Variants in AMN1 observed in about 807,000 individuals in gnomAD.
The protein encoded by AMN1 is antagonist of mitotic exit network 1 homolog.
In AMN1, 20 loss-of-function variants were observed where a neutral mutation model predicts 33.0. The ratio of observed to expected loss-of-function variants is 0.61; its 90% CI spans 0.43 to 0.88. The LOEUF (loss-of-function observed/expected upper bound fraction) is 0.88. Among genes scored for constraint, AMN1 ranks in the 40% least tolerant of loss-of-function variants. The pLI is 0.00. For missense variants in AMN1, 246 were observed against 307.4 expected (o/e 0.80, Z 1.49); for synonymous variants, 114 against 111.9 (o/e 1.02, Z -0.12).
intron 1 of AMN1, chr12:31,714,954 G>C: frequency 1.0e-6 from 1 of 970,004 alleles, no homozygotes; most frequent in South Asian, 4.8e-5. Context: ...AGTAGCATCT[G>C]GTAAAATTAG....
chr12:31,674,218 C>A (rs1951338279), intron 6 of AMN1, among the ~76,000 whole-genome samples: 1 of 151,832 alleles, frequency 6.6e-6, no homozygotes, highest in African/African-American at 2.4e-5. Flanking sequence ...ACCAGCCTGG[C>A]CAACATAGTG....
In AMN1 at chr12:31,687,636, T is replaced by C. The variant is rs1938321169; in HGVS notation, c.703+1371A>G. Among the ~76,000 whole-genome samples the C allele has an allele frequency of 6.6e-6, 1 of 151,700 alleles. No homozygotes were observed. Among genetic ancestry groups the C allele is most frequent in the African/African-American group, 2.4e-5 (1 of 41,212 alleles). The stretch of plus-strand genomic sequence containing the variant: ...AGGCAGAGGTTGCAGTGAGCCAAGA[T>C]TGCACCACTGCACTCCAGCCTCGGC... On this transcript the variant is annotated intron_variant, in intron 6 of 6. Coordinates refer to ENST00000281471, the MANE Select transcript of AMN1 (RefSeq NM_001113402.2). The surrounding 1 kb of genome is among the most constrained non-coding windows in gnomAD (Gnocchi z 4.1).
chr12:31,729,071 C>A, upstream of AMN1: 1 of 1,438,344 alleles, frequency 7.0e-7, no homozygotes, highest in East Asian at 2.7e-5. Context: ...CAGGGACCGT[C>A]CGCCAACTCC....
chr12:31,724,842 G>A (rs1369019868), intron 1 of AMN1, among the ~76,000 whole-genome samples: 1 of 152,164 alleles, frequency 6.6e-6, no homozygotes, highest in African/African-American at 2.4e-5. Flanking sequence ...GCAGGGAGTT[G>A]GGACAGAAAC....
chr12:31,710,497 T>C (rs758598114), intron 1 of AMN1, among the ~76,000 whole-genome samples: 12 of 151,738 alleles, frequency 7.9e-5, no homozygotes, highest in Non-Finnish European at 1.2e-4. Context: ...TCCCCCTCCA[T>C]TAGCTCTCTA....
chr12:31,723,455 C>T (rs1323575809), intron 1 of AMN1, among the ~76,000 whole-genome samples: 2 of 151,966 alleles, frequency 1.3e-5, no homozygotes, highest in African/African-American at 4.8e-5. Flanking sequence ...AGACTACAGG[C>T]GCCCGCCACT....
chr12:31,720,624 T>A (rs1939848697), intron 1 of AMN1, among the ~76,000 whole-genome samples: 1 of 152,152 alleles, frequency 6.6e-6, no homozygotes, highest in Non-Finnish European at 1.5e-5. Context: ...GAACTACCAA[T>A]TTGCTTCCTG....
intron 2 of AMN1, 50 bp from the exon 3 acceptor site, chr12:31,702,057 A>G (rs1280600042): frequency 1.4e-6 from 2 of 1,431,738 alleles, no homozygotes; most frequent in South Asian, 1.3e-5. Context: ...TATAAATACA[A>G]ATATTTATTC....
At position 31,672,332 on chromosome 12, in the gene AMN1, AGTTT is replaced by A; in HGVS notation, c.745_748del (p.Lys249Ter). ...ATAAACAGTCCATGTCACTTGCTTT[AGTTT>A]GTTTGGGCCTACTAATTGCTCCAAC... On this transcript the variant is annotated frameshift_variant, in exon 7 of 7. Transcript: ENST00000281471. LOFTEE classifies it high-confidence loss of function. 7 of 1,579,722 alleles carry A rather than the reference AGTTT, an allele frequency of 4.4e-6. No individual in the cohort carries two copies. Among genetic ancestry groups the A allele is most frequent in the Non-Finnish European group, 6.0e-6 (7 of 1,160,778 alleles).
chr12:31,695,537 T>C lies in AMN1; in HGVS notation c.591+1824A>G, dbSNP rs78150249. Among the ~76,000 whole-genome samples, 1,225 of 150,112 alleles carry C rather than the reference T, an allele frequency of 8.2e-3. 17 individuals are homozygous for C. Among genetic ancestry groups the C allele is most frequent in the African/African-American group, 0.028 (1,156 of 40,876 alleles). On this transcript the variant is annotated intron_variant, in intron 5 of 6. Coordinates refer to ENST00000281471, the MANE Select transcript of AMN1 (RefSeq NM_001113402.2). ...TTCGCTCTTGTTGCCCAGGCTGGAA[T>C]GCAATAGCGCAGTCTCGGCTCACTG...
chr12:31,679,741 G>A (rs989093257), intron 6 of AMN1, among the ~76,000 whole-genome samples: 4 of 152,074 alleles, frequency 2.6e-5, no homozygotes, highest in African/African-American at 7.2e-5. Context: ...TATGAGAAAC[G>A]GCAATGCATG....
chr12:31,724,328 A>C (rs1939983740), intron 1 of AMN1, among the ~76,000 whole-genome samples: 1 of 152,192 alleles, frequency 6.6e-6, no homozygotes, highest in East Asian at 1.9e-4. Context: ...AAGTAATATC[A>C]GGGTTATGTG....
intron 6 of AMN1, among the ~76,000 whole-genome samples, chr12:31,676,545 A>T (rs1937712830): frequency 6.6e-6 from 1 of 150,390 alleles, no homozygotes; most frequent in Non-Finnish European, 1.5e-5. Context: ...GATGGTCTCG[A>T]TCTCCTGACC....
intron 5 of AMN1, among the ~76,000 whole-genome samples, chr12:31,692,875 ACTGT>A (rs1312135817): frequency 2.6e-5 from 4 of 152,192 alleles, no homozygotes; most frequent in Admixed American, 6.5e-5. Context: ...TTATGAAATG[ACTGT>A]AATATAAGGC....
chr12:31,692,318 G>A (rs1468565450), intron 5 of AMN1, among the ~76,000 whole-genome samples: 4 of 151,640 alleles, frequency 2.6e-5, no homozygotes, highest in Admixed American at 6.6e-5. Context: ...TTAGCTGGGC[G>A]TGGTGGTGTG....
Position 31,675,078 on chromosome 12 carries a change from AG to A in AMN1, c.704-2702del, listed in dbSNP as rs1021859293. Among the ~76,000 whole-genome samples the A allele has an allele frequency of 7.2e-5, 11 of 151,780 alleles. 1 individual carries two copies. Among genetic ancestry groups the A allele is most frequent in the East Asian group, 1.9e-4 (1 of 5,142 alleles). On this transcript the variant is annotated intron_variant, in intron 6 of 6. Coordinates refer to ENST00000281471, the MANE Select transcript of AMN1 (RefSeq NM_001113402.2). ...AAAACCAATGCTCATTCAACCAACT[AG>A]GAATAGAAGATAACTTCCTCAACCT... is the stretch of plus-strand genomic sequence containing the variant.
At chr12:31,674,940 T>G (rs1478037985) in intron 6 of AMN1, among the ~76,000 whole-genome samples, 1 of 151,340 alleles carries the variant, frequency 6.6e-6, no homozygotes, top group Non-Finnish European at 1.5e-5. Context: ...GGGAATCGCT[T>G]GAATCCAGGA....
At chr12:31,678,749 G>A (rs1389078824) in intron 6 of AMN1, among the ~76,000 whole-genome samples, 1 of 152,138 alleles carries the variant, frequency 6.6e-6, no homozygotes, top group Non-Finnish European at 1.5e-5. Flanking sequence ...CAAAGGAAAT[G>A]TAATTTAGAC....
At chr12:31,685,823 G>GAAAGAAAA (rs1938238299) in intron 6 of AMN1, among the ~76,000 whole-genome samples, 1 of 145,474 alleles carries the variant, frequency 6.9e-6, no homozygotes, top group African/African-American at 2.5e-5. Context: ...AAGAAAGAAA[G>GAAAGAAAA]AAAAAAGGAA....
Sources: gnomAD v4.1 joint callset for allele counts (sites outside exome capture counted in the v4.1 genomes callset) on GRCh38, gnomAD v4.1.1 for gene constraint, Gnocchi (gnomAD v3.1) non-coding constraint, MANE v1.5 for transcripts, NCBI Gene and HGNC (gene_info 2026-07-23, HGNC 2026-07-21) for gene names.